NKAIN3: variants seen among roughly 807,000 people sequenced by gnomAD.
NKAIN3 encodes the protein sodium/potassium transporting ATPase interacting 3, also known as sodium/potassium-transporting ATPase subunit beta-1-interacting protein 3.
A neutral mutation model predicts 30.2 loss-of-function variants in NKAIN3; 25 were observed. That is an observed-to-expected ratio of 0.83 (90% confidence interval 0.60 to 1.16). NKAIN3 has a LOEUF of 1.16. Among genes scored for constraint, NKAIN3 ranks in the 50% most tolerant of loss-of-function variants. The pLI is 0.00. For missense variants in NKAIN3, 225 were observed against 254.1 expected, an observed-to-expected ratio of 0.89 and a Z score of 0.78; for synonymous variants, 91 against 89.6, an observed-to-expected ratio of 1.02 and a Z score of -0.09.
chr8:62,760,305 T>TACTATAAA (rs943437395), intron 4 of NKAIN3, among the ~76,000 whole-genome samples: 17 of 152,186 alleles, frequency 1.1e-4, no homozygotes, highest in Admixed American at 9.2e-4. Flanking sequence ...TAAATCATGC[T>TACTATAAA]ACTATAAAGA....
Position 62,983,345 on chromosome 8 carries a change from C to T in NKAIN3, c.*17938C>T, listed in dbSNP as rs1381255778. 1 of 152,044 alleles carries T rather than the reference C, an allele frequency of 6.6e-6. No individual in the cohort carries two copies. The highest frequency in any genetic ancestry group is 1.5e-5 in the Non-Finnish European group (1 of 68,016). The allele number at this position is 152,044 out of a possible 1,614,324, so 9.4% of individuals were successfully genotyped here. On this transcript the variant is annotated 3_prime_UTR_variant, in exon 7 of 7. Transcript: ENST00000623646. ...ATCCCCAATAGGGCTCTGCACAAGCCGGGCTCTGATAGGAGGTGCCAGTGC... is the reference window on the plus strand; with the variant it reads ...ATCCCCAATAGGGCTCTGCACAAGCTGGGCTCTGATAGGAGGTGCCAGTGC...
intron 1 of NKAIN3, among the ~76,000 whole-genome samples, chr8:62,264,908 G>A (rs1449077627): frequency 6.6e-6 from 1 of 152,132 alleles, no homozygotes; most frequent in Non-Finnish European, 1.5e-5. Context: ...ACACTCTCAT[G>A]AAGACTCTTG....
chr8:62,909,700 C>CAAAAGCAAT (rs1821879263), intron 4 of NKAIN3, among the ~76,000 whole-genome samples: 1 of 151,198 alleles, frequency 6.6e-6, no homozygotes, highest in Non-Finnish European at 1.5e-5. Flanking sequence ...ATCACAATAG[C>CAAAAGCAAT]AAAAGTAATT....
At chr8:62,367,321 C>T (rs13267288) in intron 1 of NKAIN3, among the ~76,000 whole-genome samples, 120,357 of 152,120 alleles carry the variant, frequency 0.79, 48,201 homozygotes, top group South Asian at 0.88. Flanking sequence ...AAATTCTCAT[C>T]AAAATACTAG....
At chr8:62,824,657 A>G (rs536578211) in intron 4 of NKAIN3, among the ~76,000 whole-genome samples, 4 of 152,280 alleles carry the variant, frequency 2.6e-5, no homozygotes, top group South Asian at 4.1e-4. Flanking sequence ...TAACATATGT[A>G]TATTGCAATT....
intron 4 of NKAIN3, among the ~76,000 whole-genome samples, chr8:62,805,977 C>T (rs1170298193): frequency 1.3e-5 from 2 of 152,054 alleles, no homozygotes; most frequent in Non-Finnish European, 2.9e-5. Flanking sequence ...ACAACCCCAT[C>T]GAAAAGTGGG....
intron 4 of NKAIN3, among the ~76,000 whole-genome samples, chr8:62,840,522 T>C (rs964107810): frequency 1.3e-5 from 2 of 152,116 alleles, no homozygotes; most frequent in East Asian, 3.9e-4. Context: ...AAAACTTCTT[T>C]TTATGAAGAG....
At chr8:62,350,382 A>G (rs538910290) in intron 1 of NKAIN3, among the ~76,000 whole-genome samples, 8 of 152,308 alleles carry the variant, frequency 5.3e-5, no homozygotes, top group Admixed American at 3.3e-4. Flanking sequence ...GTCAAACAGC[A>G]TATGATTCGA....
intron 4 of NKAIN3, among the ~76,000 whole-genome samples, chr8:62,879,590 GGA>G (rs1820912628): frequency 1.3e-5 from 2 of 152,116 alleles, no homozygotes; most frequent in South Asian, 4.1e-4. Flanking sequence ...TTGTTGAACA[GGA>G]GGCATGCATG....
chr8:62,646,906 G>T (rs1204581984), intron 3 of NKAIN3, among the ~76,000 whole-genome samples: 1 of 152,104 alleles, frequency 6.6e-6, no homozygotes, highest in Non-Finnish European at 1.5e-5. Context: ...TCAGCTCCAA[G>T]ATGCATCAAT....
intron 1 of NKAIN3, among the ~76,000 whole-genome samples, chr8:62,520,898 C>T (rs954433110): frequency 1.3e-5 from 2 of 151,564 alleles, no homozygotes; most frequent in Non-Finnish European, 2.9e-5. Context: ...ATTTTAAATA[C>T]TTCTAAATTT....
At position 62,970,787 on chromosome 8, in the gene NKAIN3, T is replaced by C. The variant is rs1823816526; in HGVS notation, c.*5380T>C. Among the ~76,000 whole-genome samples, 1 of 152,188 alleles carries C rather than the reference T, an allele frequency of 6.6e-6. No individual in the cohort carries two copies. The highest frequency in any genetic ancestry group is 1.5e-5 in the Non-Finnish European group (1 of 68,026). Reference sequence around the variant, plus strand: ...TTGTTTCTTTGATTGACTAAAAACATTGAATCATTTTCCATGTAAGGCATG... The same window carrying C: ...TTGTTTCTTTGATTGACTAAAAACACTGAATCATTTTCCATGTAAGGCATG... On this transcript the variant is annotated 3_prime_UTR_variant, in exon 7 of 7. Coordinates refer to ENST00000623646, the MANE Select transcript of NKAIN3 (RefSeq NM_001304533.3).
At chr8:62,279,973 C>T (rs1258687675) in intron 1 of NKAIN3, among the ~76,000 whole-genome samples, 7 of 152,132 alleles carry the variant, frequency 4.6e-5, no homozygotes, top group Non-Finnish European at 7.3e-5. Context: ...GCAGTATGGC[C>T]ATTTTCACGA....
At chr8:62,988,520 A>G (rs1378614884), downstream of NKAIN3, among the ~76,000 whole-genome samples, 1 of 152,266 alleles carries the variant, frequency 6.6e-6, no homozygotes, top group African/African-American at 2.4e-5. Flanking sequence ...ACCACATGGA[A>G]GCTGCCAAGG....
At chr8:62,282,446 C>G (rs1376543850) in intron 1 of NKAIN3, among the ~76,000 whole-genome samples, 1 of 152,134 alleles carries the variant, frequency 6.6e-6, no homozygotes, top group African/African-American at 2.4e-5. Flanking sequence ...ATTAGAGCTT[C>G]TTGTCTCAAT....
intron 5 of NKAIN3, among the ~76,000 whole-genome samples, chr8:62,932,522 A>T (rs1384934833): frequency 6.6e-6 from 1 of 152,234 alleles, no homozygotes; most frequent in African/African-American, 2.4e-5. Context: ...AAGACATTTT[A>T]GATACCAGGG....
At chr8:62,758,951 A>T (rs1386972129) in intron 4 of NKAIN3, among the ~76,000 whole-genome samples, 1 of 152,184 alleles carries the variant, frequency 6.6e-6, no homozygotes, top group Non-Finnish European at 1.5e-5. Flanking sequence ...TAAACTTGGG[A>T]TTCTTCACTT....
intron 4 of NKAIN3, among the ~76,000 whole-genome samples, chr8:62,814,453 T>C (rs902732680): frequency 2.0e-5 from 3 of 151,944 alleles, no homozygotes; most frequent in Non-Finnish European, 4.4e-5. Flanking sequence ...ATGCCACACC[T>C]ATTCCAAAAT....
At chr8:62,269,453 G>A (rs1812706447) in intron 1 of NKAIN3, among the ~76,000 whole-genome samples, 1 of 152,078 alleles carries the variant, frequency 6.6e-6, no homozygotes, top group South Asian at 2.1e-4. Flanking sequence ...TATCTCTGGA[G>A]TCGCCCATTA....
Sources: gnomAD v4.1 joint callset for allele counts (sites outside exome capture counted in the v4.1 genomes callset) on GRCh38, gnomAD v4.1.1 for gene constraint, MANE v1.5 for transcripts, NCBI Gene and HGNC (gene_info 2026-07-23, HGNC 2026-07-21) for gene names.